The following TSPAN9 variants were observed in gnomAD, a reference collection of about 807,000 sequenced individuals.
TSPAN9 encodes tetraspanin 9.
A neutral mutation model predicts 31.0 loss-of-function variants in TSPAN9; 16 were observed. The observed-to-expected ratio is 0.52, with a 90% CI of 0.35 to 0.78. The LOEUF (loss-of-function observed/expected upper bound fraction) is 0.78. Among genes scored for constraint, TSPAN9 ranks in the 30% least tolerant of loss-of-function variants. The pLI is 0.01. For synonymous variants in TSPAN9, 145 were observed against 121.6 expected, an observed-to-expected ratio of 1.19 and a Z score of -1.27; for missense variants, 272 against 312.5, an observed-to-expected ratio of 0.87 and a Z score of 0.98.
intron 3 of TSPAN9, among the ~76,000 whole-genome samples, chr12:3,235,606 G>A (rs560666475): frequency 1.1e-4 from 16 of 152,316 alleles, no homozygotes; most frequent in African/African-American, 3.4e-4. Flanking sequence ...ACGAATGCGT[G>A]TGTGATTCCC....
chr12:3,174,131 G>T (rs1437262350), intron 2 of TSPAN9: 1 of 152,364 alleles, frequency 6.6e-6, no homozygotes, highest in East Asian at 1.9e-4. Context: ...CTGGAGTGCA[G>T]TGGCACGATC....
intron 2 of TSPAN9, among the ~76,000 whole-genome samples, chr12:3,114,846 A>G (rs1431906619): frequency 6.6e-6 from 1 of 151,364 alleles, no homozygotes; most frequent in Non-Finnish European, 1.5e-5. Flanking sequence ...CCATCTCAAA[A>G]AAAAAAAAAA....
chr12:3,276,385 G>A lies in TSPAN9; in HGVS notation c.64-2036G>A, dbSNP rs190055666. 1.2e-3 allele frequency among the ~76,000 whole-genome samples: 184 copies of A among 152,274 alleles called. 1 individual carries two copies. The highest frequency in any genetic ancestry group is 4.3e-3 in the African/African-American group (177 of 41,568). ...CGAGGTCCCAGCTGGCCTGGCCCCC[G>A]GCCACCCCGCCTGCTTTGTCTCCTA... On this transcript the variant is annotated intron_variant, in intron 3 of 8. Transcript: ENST00000011898.
At chr12:3,234,632 G>A (rs1591695259) in intron 3 of TSPAN9, among the ~76,000 whole-genome samples, 1 of 152,166 alleles carries the variant, frequency 6.6e-6, no homozygotes. Flanking sequence ...TGCAGTGAGG[G>A]GCACATTCTA....
chr12:3,103,622 C>A lies in TSPAN9; in HGVS notation c.-18+19903C>A, dbSNP rs563449833. Among the ~76,000 whole-genome samples the A allele has an allele frequency of 2.7e-5, 4 of 150,206 alleles. No individual in the cohort carries two copies. In the East Asian group the frequency reaches 7.7e-4, roughly 29 times the overall value. ...ACCATGCCATGCACGAACATGTATT[C>A]CTAGACACTGCTCCTGTTGTCTCTT... On this transcript the variant is annotated intron_variant, in intron 2 of 8. Transcript: ENST00000011898.
At chr12:3,197,434 G>A (rs78502988) in intron 2 of TSPAN9, among the ~76,000 whole-genome samples, 6,496 of 152,256 alleles carry the variant, frequency 0.043, 468 homozygotes, top group African/African-American at 0.15. Flanking sequence ...CTGCTATGCC[G>A]AACCCAGAGA....
chr12:3,086,471 A>C (rs950174860), intron 2 of TSPAN9, among the ~76,000 whole-genome samples: 4 of 152,068 alleles, frequency 2.6e-5, no homozygotes, highest in African/African-American at 9.7e-5. Context: ...TCACTTTCTG[A>C]GAGTCTTGTG....
At chr12:3,242,145 T>A (rs1246889707) in intron 3 of TSPAN9, among the ~76,000 whole-genome samples, 2 of 152,226 alleles carry the variant, frequency 1.3e-5, no homozygotes, top group Non-Finnish European at 1.5e-5. Context: ...GGTGACATTA[T>A]TCTTAACTTT....
chr12:3,280,235 C>A lies in TSPAN9; in HGVS notation c.331-147C>A. ...GTTGGGCCAGCAGAGGCCCCCACCC[C>A]AGTGGGCAGGGCCTTCCAGACCAGC... On this transcript the variant is annotated intron_variant, in intron 5 of 8. Coordinates refer to ENST00000011898, the MANE Select transcript of TSPAN9 (RefSeq NM_006675.5). This position sits in a 1 kb window ranked among gnomAD's most constrained non-coding sequence, Gnocchi z 4.5. 1.5e-6 allele frequency: 1 copy of A among 682,192 alleles called. No homozygotes were observed. The allele number at this position is 682,192 out of a possible 1,614,324, so 42.3% of individuals were successfully genotyped here.
At chr12:3,092,584 C>A (rs1354472869) in intron 2 of TSPAN9, among the ~76,000 whole-genome samples, 1 of 152,164 alleles carries the variant, frequency 6.6e-6, no homozygotes, top group African/African-American at 2.4e-5. Context: ...ACAGCCAGAG[C>A]CCCCTGAGAG....
At chr12:3,237,482 G>A (rs1174420877) in intron 3 of TSPAN9, among the ~76,000 whole-genome samples, 1 of 152,196 alleles carries the variant, frequency 6.6e-6, no homozygotes, top group East Asian at 1.9e-4. Context: ...CCTCAAGTTG[G>A]CTTTGCCAAA....
At chr12:3,267,010 A>C (rs1343953292) in intron 3 of TSPAN9, among the ~76,000 whole-genome samples, 1 of 152,180 alleles carries the variant, frequency 6.6e-6, no homozygotes, top group African/African-American at 2.4e-5. Context: ...CCCTCATTAC[A>C]TTATTGAAAG....
At chr12:3,248,191 G>A (rs530169492) in intron 3 of TSPAN9, among the ~76,000 whole-genome samples, 1 of 152,258 alleles carries the variant, frequency 6.6e-6, no homozygotes, top group Admixed American at 6.5e-5. Context: ...ATACTCCCTA[G>A]GTACTTTCCA....
At chr12:3,226,780 ATATATATATATATAT>A (rs2098387941) in intron 3 of TSPAN9, among the ~76,000 whole-genome samples, 1 of 2,116 alleles carries the variant, frequency 4.7e-4, no homozygotes, top group African/African-American at 1.9e-3. Context: ...ATATATATAT[ATATATATATATATAT>A]TTTTTTTTTT....
intron 2 of TSPAN9, among the ~76,000 whole-genome samples, chr12:3,162,995 C>T (rs2098346239): frequency 6.6e-6 from 1 of 152,336 alleles, no homozygotes; most frequent in South Asian, 2.1e-4. Flanking sequence ...TCTTGCCAGT[C>T]ATTGGCGAAT....
Position 3,089,530 on chromosome 12 carries a change from C to CAG in TSPAN9, c.-18+5811_-18+5812insAG, listed in dbSNP as rs745390776. On this transcript the variant is annotated intron_variant, in intron 2 of 8. Coordinates refer to ENST00000011898, the MANE Select transcript of TSPAN9 (RefSeq NM_006675.5). ...CAGGGTGGTCTCGATCTCCTGACCT[C>CAG]GTGATCCGCCCTCCTTGGCCTCCCA... Among the ~76,000 whole-genome samples, 271 of 151,884 alleles carry CAG rather than the reference C, an allele frequency of 1.8e-3. 2 individuals are homozygous for CAG. The highest frequency in any genetic ancestry group is 2.9e-3 in the Non-Finnish European group (200 of 67,950).
chr12:3,081,608 T>G (rs2153961656), intron 1 of TSPAN9, among the ~76,000 whole-genome samples: 1 of 152,064 alleles, frequency 6.6e-6, no homozygotes, highest in East Asian at 1.9e-4. Context: ...CTCCTGGCCT[T>G]TATATACTTC....
At chr12:3,271,328 C>T (rs146164556) in intron 3 of TSPAN9, among the ~76,000 whole-genome samples, 54 of 152,176 alleles carry the variant, frequency 3.5e-4, no homozygotes, top group Admixed American at 7.2e-4. Context: ...GCCAATGGGG[C>T]CTTAGGCTGA....
intron 3 of TSPAN9, among the ~76,000 whole-genome samples, chr12:3,248,678 A>G (rs1389664970): frequency 6.6e-6 from 1 of 151,936 alleles, no homozygotes; most frequent in Non-Finnish European, 1.5e-5. Flanking sequence ...GCACAGAATG[A>G]TTAAAGCCAC....
Sources: gnomAD v4.1 joint callset for allele counts (sites outside exome capture counted in the v4.1 genomes callset) on GRCh38, gnomAD v4.1.1 for gene constraint, Gnocchi (gnomAD v3.1) non-coding constraint, MANE v1.5 for transcripts, NCBI Gene and HGNC (gene_info 2026-07-23, HGNC 2026-07-21) for gene names.